SOX6: variants seen among roughly 807,000 people sequenced by gnomAD.
The protein encoded by SOX6 is transcription factor SOX-6.
SOX6 carries 11 observed loss-of-function variants against 97.8 expected under a neutral mutation model. The ratio of observed to expected loss-of-function variants is 0.11; its 90% CI spans 0.07 to 0.19. The LOEUF (loss-of-function observed/expected upper bound fraction) is 0.19, where lower values mean the gene tolerates loss of function less well. Among genes scored for constraint, SOX6 ranks in the 10% least tolerant of loss-of-function variants. The pLI, the probability that SOX6 is intolerant of heterozygous loss-of-function variation, is 1.00. For synonymous variants in SOX6, 360 were observed against 371.4 expected, an observed-to-expected ratio of 0.97 and a Z score of 0.35; for missense variants, 810 against 1,039.5, an observed-to-expected ratio of 0.78 and a Z score of 3.04.
At chr11:16,545,109 C>A (rs1471138409) in intron 4 of SOX6, among the ~76,000 whole-genome samples, 1 of 151,728 alleles carries the variant, frequency 6.6e-6, no homozygotes, top group African/African-American at 2.4e-5. Flanking sequence ...ATAAAAAAAA[C>A]ACACTGGATT....
chr11:16,186,673 A>ATTT, intron 5 of SOX6, 110 bp downstream of exon 5: 2 of 1,272,734 alleles, frequency 1.6e-6, no homozygotes, highest in East Asian at 4.8e-5. Context: ...TCTTATTTTT[A>ATTT]TTTTTATTTT....
intron 15 of SOX6, among the ~76,000 whole-genome samples, chr11:15,979,329 C>T (rs1204931842): frequency 1.3e-5 from 2 of 150,908 alleles, no homozygotes; most frequent in East Asian, 2.0e-4. Flanking sequence ...ACCTCCACCC[C>T]TACAAACCTG....
chr11:16,665,945 C>G (rs566519335), intron 3 of SOX6, among the ~76,000 whole-genome samples: 1 of 152,326 alleles, frequency 6.6e-6, no homozygotes, highest in Non-Finnish European at 1.5e-5. Flanking sequence ...CAAGTTGGCA[C>G]ATCTGTAAGT....
rs566424613 is a variant in SOX6, at chr11:16,605,447, C to A, written n.609+6634G>T. On this transcript the variant is annotated intron_variant and non_coding_transcript_variant, in intron 4 of 5. Transcript: ENST00000524520. This position sits in a 1 kb window ranked among gnomAD's most constrained non-coding sequence, Gnocchi z 5.3. ...TCGGTTTGTTTATTCCTGAAAAGAT[C>A]ATTAAAAAGTACTGTCCAAAAACGG... 1.3e-5 allele frequency among the ~76,000 whole-genome samples: 2 copies of A among 151,792 alleles called. No homozygotes were observed. The highest frequency in any genetic ancestry group is 4.8e-5 in the African/African-American group (2 of 41,394).
chr11:16,453,134 CT>C (rs369718885), intron 1 of SOX6, among the ~76,000 whole-genome samples: 2 of 152,110 alleles, frequency 1.3e-5, no homozygotes, highest in African/African-American at 4.8e-5. Flanking sequence ...GCTCTCACGA[CT>C]TTTTTTTCCT....
Position 16,318,447 on chromosome 11 carries a change from C to A in SOX6, c.444G>T (p.Glu148Asp). 1.9e-6 allele frequency: 3 copies of A among 1,613,054 alleles called. No individual in the cohort carries two copies. In the South Asian group the frequency reaches 3.3e-5, roughly 18 times the overall value. The change falls in exon 3 of 16, where the codon GAG becomes GAT. Residue 148 changes from glutamate to aspartate, a missense_variant and splice_region_variant. Physicochemically the swap from Glu to Asp is conservative, Grantham distance 45. Around this residue, in one of 9 missense-constraint regions of SOX6, gnomAD observed 110 missense variants for 119.0 expected, o/e 0.92. Coordinates refer to ENST00000683767, the MANE Select transcript of SOX6 (RefSeq NM_001367873.1). Reference protein sequence around the residue: ...KLEEMTRTEQEDSSCMEKLLS... With the variant: ...KLEEMTRTEQDDSSCMEKLLS... The stretch of plus-strand genomic sequence containing the variant: ...CCCAACAGTGAAGTCCACACATACC[C>A]TCTTGTTCAGTCCGAGTCATTTCCT...
intron 1 of SOX6, among the ~76,000 whole-genome samples, chr11:16,455,001 C>T (rs958073755): frequency 1.7e-4 from 26 of 151,954 alleles, no homozygotes; most frequent in African/African-American, 5.1e-4. Flanking sequence ...TTTTTACTTA[C>T]GGGTCAAAAG....
At chr11:16,209,286 G>T (rs927972325) in intron 4 of SOX6, among the ~76,000 whole-genome samples, 1 of 152,006 alleles carries the variant, frequency 6.6e-6, no homozygotes, top group African/African-American at 2.4e-5. Flanking sequence ...CTTTTCGGGG[G>T]TCTTCATTAG....
chr11:16,437,993 G>A (rs996316042), intron 1 of SOX6, among the ~76,000 whole-genome samples: 3 of 151,576 alleles, frequency 2.0e-5, no homozygotes, highest in Non-Finnish European at 4.4e-5. Flanking sequence ...AAACAATATT[G>A]GATAAGCCTG....
In SOX6 at chr11:16,052,821, G is replaced by T. The variant is rs77298835; in HGVS notation, c.1252-2883C>A. ...ACTAAGTAGGGGTAATTTTTCCCCA[G>T]TACTGAGGTTATACCCTTCTGGGGA... On this transcript the variant is annotated intron_variant, in intron 10 of 15. Coordinates refer to ENST00000683767, the MANE Select transcript of SOX6 (RefSeq NM_001367873.1). 5.5e-4 allele frequency among the ~76,000 whole-genome samples: 83 copies of T among 152,248 alleles called. 1 individual carries two copies. In the East Asian group the frequency reaches 0.014, roughly 26 times the overall value.
At chr11:16,422,900 T>C (rs1859047636) in intron 1 of SOX6, among the ~76,000 whole-genome samples, 1 of 152,250 alleles carries the variant, frequency 6.6e-6, no homozygotes, top group Non-Finnish European at 1.5e-5. Flanking sequence ...ATCTCTCATA[T>C]AAACACCTTT....
intron 6 of SOX6, among the ~76,000 whole-genome samples, chr11:16,135,519 T>A (rs1849938042): frequency 6.6e-6 from 1 of 152,168 alleles, no homozygotes; most frequent in Non-Finnish European, 1.5e-5. Context: ...TGGGATGATT[T>A]TGAGGGGTTC....
intron 1 of SOX6, among the ~76,000 whole-genome samples, chr11:16,428,748 GT>G (rs1859207766): frequency 6.6e-6 from 1 of 152,198 alleles, no homozygotes; most frequent in Admixed American, 6.5e-5. Context: ...ATAGTTTGAA[GT>G]CAGGTAGTGT....
chr11:16,524,864 G>A (rs1333502192), intron 4 of SOX6, among the ~76,000 whole-genome samples: 1 of 152,154 alleles, frequency 6.6e-6, no homozygotes, highest in African/African-American at 2.4e-5. Context: ...CATATCATGA[G>A]TGAACTCCCA....
intron 1 of SOX6, among the ~76,000 whole-genome samples, chr11:16,442,751 T>C (rs1859529223): frequency 6.6e-6 from 1 of 152,104 alleles, no homozygotes; most frequent in African/African-American, 2.4e-5. Context: ...TCCTTTCATA[T>C]CACATCACAC....
At chr11:16,307,941 C>G (rs1855487047) in intron 3 of SOX6, among the ~76,000 whole-genome samples, 1 of 152,138 alleles carries the variant, frequency 6.6e-6, no homozygotes. Flanking sequence ...GGCATATATT[C>G]TATTACTTCA....
intron 13 of SOX6, among the ~76,000 whole-genome samples, chr11:16,014,321 C>T (rs1325987014): frequency 2.6e-5 from 4 of 152,074 alleles, no homozygotes; most frequent in Non-Finnish European, 5.9e-5. Context: ...TCCACCCAGA[C>T]TTCTGAAAGA....
chr11:16,244,209 C>T (rs1165983766), intron 3 of SOX6, among the ~76,000 whole-genome samples: 1 of 151,756 alleles, frequency 6.6e-6, no homozygotes, highest in Non-Finnish European at 1.5e-5. Context: ...TTTTGTCACC[C>T]AGAGGATAAG....
chr11:16,442,384 C>A (rs1195257830), intron 1 of SOX6, among the ~76,000 whole-genome samples: 2 of 152,022 alleles, frequency 1.3e-5, no homozygotes, highest in African/African-American at 4.8e-5. Context: ...GAAAATGAAA[C>A]CTGCCTCTGG....
Sources: gnomAD v4.1 joint callset for allele counts (sites outside exome capture counted in the v4.1 genomes callset) on GRCh38, gnomAD v4.1.1 for gene constraint, gnomAD v4.1.1 regional missense constraint, Gnocchi (gnomAD v3.1) non-coding constraint, MANE v1.5 for transcripts, NCBI Gene and HGNC (gene_info 2026-07-23, HGNC 2026-07-21) for gene names.